IKBIP: variants seen among roughly 807,000 people sequenced by gnomAD.
The protein encoded by IKBIP is inhibitor of nuclear factor kappa-B kinase-interacting protein.
Under a neutral mutation model 31.0 loss-of-function variants are expected in IKBIP, and 28 were observed. The ratio of observed to expected loss-of-function variants is 0.90; its 90% CI spans 0.67 to 1.24. The LOEUF (loss-of-function observed/expected upper bound fraction) is 1.24. IKBIP is among the 50% of genes most tolerant of loss of function. IKBIP has a pLI of 0.00. For missense variants in IKBIP, 453 were observed against 441.9 expected (o/e 1.03, Z -0.23); for synonymous variants, 164 against 160.3 (o/e 1.02, Z -0.17).
chr12:98,638,008 T>C (rs1471132965), intron 1 of IKBIP, among the ~76,000 whole-genome samples: 2 of 152,198 alleles, frequency 1.3e-5, no homozygotes, highest in East Asian at 3.8e-4. Context: ...AGTCTTCCCA[T>C]TTAGATGAGA....
chr12:98,620,030 G>A (rs1478884237), downstream of IKBIP, among the ~76,000 whole-genome samples: 2 of 146,226 alleles, frequency 1.4e-5, no homozygotes, highest in African/African-American at 2.5e-5. Flanking sequence ...GTGATTCTCC[G>A]GCCTCAGCCT....
At chr12:98,638,925 G>A (rs960858140) in intron 1 of IKBIP, among the ~76,000 whole-genome samples, 5 of 152,228 alleles carry the variant, frequency 3.3e-5, no homozygotes, top group Non-Finnish European at 7.3e-5. Context: ...GGGATTATAA[G>A]TGTGAGCCAC....
At position 98,626,437 on chromosome 12, in the gene IKBIP, TG is replaced by T; in HGVS notation, c.626del (p.Thr209AsnfsTer2). 3 of 1,613,352 alleles carry T rather than the reference TG, an allele frequency of 1.9e-6. No individual in the cohort carries two copies. The highest frequency in any genetic ancestry group is 2.5e-6 in the Non-Finnish European group (3 of 1,180,016). On this transcript the variant is annotated frameshift_variant, in exon 3 of 3. Coordinates refer to ENST00000299157, the MANE Select transcript of IKBIP (RefSeq NM_153687.4). LOFTEE classifies it high-confidence loss of function. ...TERLKDLEDS[T>X]LRNIRTVKRQ... ...TTTTTACTGTTCTAATATTTCTTAGTGTGCTATCTTCCAAATCTTTTAGCCG... is the reference window on the plus strand; with the variant it reads ...TTTTTACTGTTCTAATATTTCTTAGTTGCTATCTTCCAAATCTTTTAGCCG...
chr12:98,614,113 T>C, exon 3 of IKBIP: 2 of 1,613,478 alleles, frequency 1.2e-6, no homozygotes, highest in South Asian at 1.1e-5. Flanking sequence ...TATCTGTTTT[T>C]ACACTTGTAA....
chr12:98,634,823 CCTCAGCCTCCCGA>C, intron 1 of IKBIP, among the ~76,000 whole-genome samples: 1 of 150,988 alleles, frequency 6.6e-6, no homozygotes, highest in African/African-American at 2.4e-5. Flanking sequence ...TATTCTCCTG[CCTCAGCCTCCCGA>C]GTAGCTACGA....
At chr12:98,641,379 CGT>C (rs1433001323) in intron 1 of IKBIP, among the ~76,000 whole-genome samples, 1 of 152,154 alleles carries the variant, frequency 6.6e-6, no homozygotes, top group Non-Finnish European at 1.5e-5. Context: ...TGCTGAATTA[CGT>C]GTTTTAGTGG....
intron 2 of IKBIP, among the ~76,000 whole-genome samples, chr12:98,633,640 C>G (rs1019757643): frequency 6.6e-6 from 1 of 151,472 alleles, no homozygotes; most frequent in Non-Finnish European, 1.5e-5. Context: ...TCTCAGCCCC[C>G]CGAGTAGCTG....
chr12:98,623,876 AAGAG>A (rs1446667482), downstream of IKBIP, among the ~76,000 whole-genome samples: 10 of 151,244 alleles, frequency 6.6e-5, no homozygotes, highest in East Asian at 1.5e-3. Flanking sequence ...GAATGGAAGA[AAGAG>A]AGAAAGACAA....
At position 98,634,369 on chromosome 12, in the gene IKBIP, T is replaced by C; in HGVS notation, c.224A>G (p.Gln75Arg). 1 of 1,607,338 alleles carries C rather than the reference T, an allele frequency of 6.2e-7. No individual in the cohort carries two copies. ...GGTTTCTAGTTTCAGTAACTGGTAT[T>C]GGTTTTCCACCTTTGCAAATTTTTC... ...QSEKFAKVEN[Q>R]YQLLKLETNE... The change falls in exon 2 of 3, where the codon CAA becomes CGA. Residue 75 changes from glutamine (Q) to arginine (R), a missense_variant. By Grantham distance (43) the Gln-to-Arg change is conservative. Transcript: ENST00000299157.
intron 1 of IKBIP, 147 bp downstream of exon 1, chr12:98,644,376 G>C (rs537044426): frequency 2.7e-6 from 2 of 734,622 alleles, no homozygotes; most frequent in South Asian, 1.9e-5. Context: ...AGGCTGGGCT[G>C]TTTCCTTCCT....
chr12:98,613,779 G>A, exon 3 of IKBIP: 1 of 1,611,088 alleles, frequency 6.2e-7, no homozygotes, highest in Non-Finnish European at 8.5e-7. Flanking sequence ...TCCTTCTTTA[G>A]ATTATACACC....
In IKBIP at chr12:98,640,441, TCAAAACAAAACAAAACAAAA is replaced by T. The variant is rs71931367; in HGVS notation, c.179+4062_179+4081del. Among the ~76,000 whole-genome samples, 148 of 149,176 alleles carry T rather than the reference TCAAAACAAAACAAAACAAAA, an allele frequency of 9.9e-4. 1 individual carries two copies. The highest frequency in any genetic ancestry group is 3.4e-3 in the Middle Eastern group (1 of 290). ...GGCAACAAGAGCAAAACTCCATCTCTCAAAACAAAACAAAACAAAACAAAACAAAACAAAACAAAAAAGCA... is the reference window on the plus strand; with the variant it reads ...GGCAACAAGAGCAAAACTCCATCTCTCAAAACAAAACAAAACAAAAAAGCA... On this transcript the variant is annotated intron_variant, in intron 1 of 2. Coordinates refer to ENST00000299157, the MANE Select transcript of IKBIP (RefSeq NM_153687.4).
chr12:98,626,539 T>C lies in IKBIP; in HGVS notation c.525A>G (p.Ser175=), dbSNP rs1294266964. The part of the protein sequence containing the change: ...EMNINTDIFK[S]EAKHIHSQVT... ...CTTGAGAATGTATATGTTTTGCTTC[T>C]GATTTGAAAATGTCTGTATTAATGT... Residue 175 remains serine, a synonymous_variant, in exon 3 of 3, where the codon TCA becomes TCG. Transcript: ENST00000299157. 1 of 1,613,124 alleles carries C rather than the reference T, an allele frequency of 6.2e-7. No homozygotes were observed. The highest frequency in any genetic ancestry group is 1.7e-5 in the Admixed American group (1 of 60,000).
Position 98,634,710 on chromosome 12 carries a change from C to CTT in IKBIP, c.180-299_180-298dup, listed in dbSNP as rs552233683. ...TATGTTGCCAAAGGTGGTCTTTAGC[C>CTT]TTTTTTTTTTTTTTTTTGAGATGGA... is the stretch of plus-strand genomic sequence containing the variant. On this transcript the variant is annotated intron_variant, in intron 1 of 2. Coordinates refer to ENST00000299157, the MANE Select transcript of IKBIP (RefSeq NM_153687.4). Among the ~76,000 whole-genome samples the CTT allele has an allele frequency of 1.8e-4, 24 of 131,892 alleles. 2 individuals are homozygous for CTT. Among genetic ancestry groups the CTT allele is most frequent in the Admixed American group, 7.7e-4 (10 of 12,968 alleles). The allele number at this position is 131,892 out of a possible 152,430, so 86.5% of individuals were successfully genotyped here. A position where few individuals can be genotyped will look rare whatever the true frequency, so the allele number is the denominator to read the frequency against.
intron 2 of IKBIP, among the ~76,000 whole-genome samples, chr12:98,615,793 C>T (rs751933880): frequency 2.0e-5 from 3 of 151,852 alleles, no homozygotes; most frequent in Non-Finnish European, 4.4e-5. Flanking sequence ...AGCATAATAT[C>T]GTTTAGGTTC....
intron 2 of IKBIP, among the ~76,000 whole-genome samples, chr12:98,617,080 C>A (rs1395297111): frequency 6.6e-6 from 1 of 152,208 alleles, no homozygotes; most frequent in Non-Finnish European, 1.5e-5. Context: ...TCTGGCCTAT[C>A]TAACTATCCA....
At chr12:98,639,165 CAGCT>C (rs1692380223) in intron 1 of IKBIP, among the ~76,000 whole-genome samples, 2 of 152,084 alleles carry the variant, frequency 1.3e-5, no homozygotes, top group African/African-American at 4.8e-5. Context: ...CTCAGCCTCC[CAGCT>C]AGCTGGGATT....
At chr12:98,627,903 G>A (rs2097616362) in intron 2 of IKBIP, among the ~76,000 whole-genome samples, 1 of 152,122 alleles carries the variant, frequency 6.6e-6, no homozygotes, top group African/African-American at 2.4e-5. Context: ...CAGATACAAA[G>A]GCAACAATGA....
chr12:98,619,453 T>C (rs372997986), downstream of IKBIP, among the ~76,000 whole-genome samples: 491 of 152,364 alleles, frequency 3.2e-3, 2 homozygotes, highest in South Asian at 0.019. Flanking sequence ...ATAATAGCAA[T>C]GTATCATGAA....
Sources: allele counts gnomAD v4.1 joint callset (sites outside exome capture counted in the v4.1 genomes callset), GRCh38; gene constraint gnomAD v4.1.1; transcripts MANE v1.5; gene names NCBI Gene and HGNC (gene_info 2026-07-23, HGNC 2026-07-21).